IMMP2L: variants seen among roughly 807,000 people sequenced by gnomAD.
IMMP2L encodes the protein inner mitochondrial membrane peptidase subunit 2.
A neutral mutation model predicts 19.3 loss-of-function variants in IMMP2L; 18 were observed. That is an observed-to-expected ratio of 0.93 (90% CI 0.64 to 1.38). The LOEUF (loss-of-function observed/expected upper bound fraction) is 1.38. Ranked by LOEUF, IMMP2L falls within the 40% of genes most tolerant of loss-of-function variation. IMMP2L has a pLI of 0.00. For missense variants in IMMP2L, 233 were observed against 218.2 expected, an observed-to-expected ratio of 1.07 and a Z score of -0.43; for synonymous variants, 76 against 73.0, an observed-to-expected ratio of 1.04 and a Z score of -0.21.
intron 3 of IMMP2L, among the ~76,000 whole-genome samples, chr7:111,135,618 A>C (rs577908574): frequency 3.3e-5 from 5 of 152,202 alleles, no homozygotes; most frequent in African/African-American, 1.2e-4. Flanking sequence ...TCATGATGCC[A>C]CATTATTATT....
At chr7:111,378,441 TATA>T (rs898094481) in intron 3 of IMMP2L, among the ~76,000 whole-genome samples, 2 of 152,048 alleles carry the variant, frequency 1.3e-5, no homozygotes, top group African/African-American at 2.4e-5. Context: ...TCATGACTTT[TATA>T]ATAATACTTC....
At chr7:110,721,636 T>A (rs748384626) in intron 5 of IMMP2L, among the ~76,000 whole-genome samples, 22 of 152,148 alleles carry the variant, frequency 1.4e-4, no homozygotes, top group Non-Finnish European at 1.5e-4. Context: ...CATTTCAGTC[T>A]CTTCAATTAC....
At chr7:111,451,055 A>G (rs1420035011) in intron 3 of IMMP2L, among the ~76,000 whole-genome samples, 2 of 147,484 alleles carry the variant, frequency 1.4e-5, no homozygotes, top group East Asian at 1.9e-4. Flanking sequence ...AAAAGTCAGG[A>G]AACAACAGGT....
chr7:110,706,448 C>T (rs2396267), intron 5 of IMMP2L, among the ~76,000 whole-genome samples: 128,573 of 152,146 alleles, frequency 0.85, 54,643 homozygotes, highest in Non-Finnish European at 0.89. Flanking sequence ...CTTTCCACAG[C>T]AGCTGAACTC....
intron 3 of IMMP2L, among the ~76,000 whole-genome samples, chr7:111,180,490 G>A (rs898823439): frequency 1.3e-5 from 2 of 151,976 alleles, no homozygotes; most frequent in Non-Finnish European, 2.9e-5. Flanking sequence ...AGTTACAACA[G>A]TAACAGCAAA....
At chr7:111,219,096 C>T (rs1195546001) in intron 3 of IMMP2L, among the ~76,000 whole-genome samples, 1 of 151,924 alleles carries the variant, frequency 6.6e-6, no homozygotes, top group Non-Finnish European at 1.5e-5. Context: ...CTAACAAAAT[C>T]AACTATTGAT....
chr7:111,004,188 T>G (rs1310012314), intron 3 of IMMP2L, among the ~76,000 whole-genome samples: 1 of 152,036 alleles, frequency 6.6e-6, no homozygotes, highest in Non-Finnish European at 1.5e-5. Flanking sequence ...ATATCCTAAC[T>G]TCATAGGGTT....
At chr7:111,381,079 T>C (rs927252124) in intron 3 of IMMP2L, among the ~76,000 whole-genome samples, 2 of 152,002 alleles carry the variant, frequency 1.3e-5, no homozygotes, top group African/African-American at 4.8e-5. Flanking sequence ...CAACAAGTGC[T>C]GAAACACCAC....
At position 111,318,708 on chromosome 7, in the gene IMMP2L, G is replaced by A. The variant is rs555132210; in HGVS notation, c.239+168530C>T. Among the ~76,000 whole-genome samples the A allele has an allele frequency of 4.0e-5, 6 of 151,874 alleles. No individual in the cohort carries two copies. In the East Asian group the frequency reaches 5.8e-4, roughly 15 times the overall value. ...ATACCTTACCAAGCCACTTGAAGAC[G>A]GAATAACTATACCATAATGAAGAAA... On this transcript the variant is annotated intron_variant, in intron 3 of 5. Transcript: ENST00000405709.
intron 3 of IMMP2L, among the ~76,000 whole-genome samples, chr7:111,306,606 CTGTGTGTGTG>C (rs71147473): frequency 0.069 from 9,429 of 136,136 alleles, 663 homozygotes; most frequent in African/African-American, 0.19. Context: ...TCACTGGACT[CTGTGTGTGTG>C]TGTGTGTGTG....
At chr7:111,261,969 T>C (rs778745312) in intron 3 of IMMP2L, among the ~76,000 whole-genome samples, 5 of 152,046 alleles carry the variant, frequency 3.3e-5, no homozygotes, top group Non-Finnish European at 7.4e-5. Context: ...AAAGATCATG[T>C]TGGAAACAAT....
At chr7:110,874,818 T>C (rs1202014132) in intron 5 of IMMP2L, among the ~76,000 whole-genome samples, 1 of 152,110 alleles carries the variant, frequency 6.6e-6, no homozygotes, top group Non-Finnish European at 1.5e-5. Flanking sequence ...CTCACAGCTT[T>C]AGAGACTGGG....
intron 3 of IMMP2L, among the ~76,000 whole-genome samples, chr7:111,432,340 C>CAG (rs1161083665): frequency 1.3e-5 from 2 of 151,682 alleles, no homozygotes; most frequent in Non-Finnish European, 2.9e-5. Context: ...CAAATGGTGT[C>CAG]AGTGAAGCAA....
At chr7:111,179,931 A>G (rs923901860) in intron 3 of IMMP2L, among the ~76,000 whole-genome samples, 1 of 151,830 alleles carries the variant, frequency 6.6e-6, no homozygotes, top group Non-Finnish European at 1.5e-5. Context: ...CTAGCTTCCA[A>G]CTTTTCTTCT....
chr7:111,142,877 C>A (rs142001851), intron 3 of IMMP2L, among the ~76,000 whole-genome samples: 5 of 152,270 alleles, frequency 3.3e-5, no homozygotes, highest in African/African-American at 9.6e-5. Context: ...TGAAATTCAT[C>A]ATTCTGATTT....
chr7:110,694,843 A>T (rs1793761811), intron 5 of IMMP2L, among the ~76,000 whole-genome samples: 1 of 152,220 alleles, frequency 6.6e-6, no homozygotes, highest in African/African-American at 2.4e-5. Flanking sequence ...GAAATGTGAT[A>T]TATATCTATC....
intron 1 of IMMP2L, among the ~76,000 whole-genome samples, chr7:111,546,992 G>T (rs913229341): frequency 6.6e-6 from 1 of 152,144 alleles, no homozygotes; most frequent in African/African-American, 2.4e-5. Flanking sequence ...AAGAGAAAAA[G>T]CTGAAGAGGC....
At chr7:110,686,865 T>C (rs1042038572) in intron 5 of IMMP2L, among the ~76,000 whole-genome samples, 1 of 152,110 alleles carries the variant, frequency 6.6e-6, no homozygotes, top group African/African-American at 2.4e-5. Context: ...TTTCTAAAAT[T>C]TGGCTTCAAT....
intron 5 of IMMP2L, among the ~76,000 whole-genome samples, chr7:110,691,169 C>T (rs1408071576): frequency 6.6e-6 from 1 of 151,962 alleles, no homozygotes; most frequent in African/African-American, 2.4e-5. Context: ...AAGCCAAATG[C>T]ACCCATCAAA....
Sources: allele counts gnomAD v4.1 joint callset (sites outside exome capture counted in the v4.1 genomes callset), GRCh38; gene constraint gnomAD v4.1.1; transcripts MANE v1.5; gene names NCBI Gene and HGNC (gene_info 2026-07-23, HGNC 2026-07-21).